The following PRKACB variants were observed in gnomAD, a reference collection of about 807,000 sequenced individuals.
PRKACB encodes the protein protein kinase cAMP-activated catalytic subunit beta, also known as cAMP-dependent protein kinase catalytic subunit beta.
A neutral mutation model predicts 51.4 loss-of-function variants in PRKACB; 16 were observed. That is an observed-to-expected ratio of 0.31 (90% CI 0.21 to 0.47). The LOEUF is 0.47. PRKACB is among the 20% of genes least tolerant of loss of function. The pLI is 1.00. For missense variants in PRKACB, 309 were observed against 464.5 expected (o/e 0.67, Z 3.08); for synonymous variants, 147 against 154.4 (o/e 0.95, Z 0.35).
At position 84,167,225 on chromosome 1, in the gene PRKACB, T is replaced by A. The variant is rs1393936406; in HGVS notation, c.188-11952T>A. ...TCCAGGCCATTTTCCACACTGAAAATTTTAAAATGCAAATATGCCCATTTT... is the reference window on the plus strand; with the variant it reads ...TCCAGGCCATTTTCCACACTGAAAAATTTAAAATGCAAATATGCCCATTTT... On this transcript the variant is annotated intron_variant, in intron 1 of 9. Transcript: ENST00000370685. Among the ~76,000 whole-genome samples the A allele has an allele frequency of 3.3e-5, 5 of 151,582 alleles. No homozygotes were observed. In the East Asian group the frequency reaches 7.8e-4, roughly 24 times the overall value.
At chr1:84,139,225 A>G (rs1189045644) in intron 1 of PRKACB, among the ~76,000 whole-genome samples, 2 of 152,216 alleles carry the variant, frequency 1.3e-5, no homozygotes, top group Admixed American at 6.5e-5. Context: ...AGGCATACAG[A>G]TTAGAAATAA....
At chr1:84,212,850 A>T (rs1469396034) in intron 8 of PRKACB, among the ~76,000 whole-genome samples, 1 of 152,178 alleles carries the variant, frequency 6.6e-6, no homozygotes, top group Non-Finnish European at 1.5e-5. Context: ...AAATAGTCTA[A>T]TAAATACTGA....
intron 5 of PRKACB, among the ~76,000 whole-genome samples, chr1:84,185,682 G>A (rs1664875694): frequency 6.6e-6 from 1 of 151,828 alleles, no homozygotes; most frequent in African/African-American, 2.4e-5. Context: ...TAATTTAACG[G>A]GAGTTTGTAC....
intron 1 of PRKACB, among the ~76,000 whole-genome samples, chr1:84,130,330 A>G (rs1346110005): frequency 6.6e-6 from 1 of 152,146 alleles, no homozygotes; most frequent in Non-Finnish European, 1.5e-5. Flanking sequence ...GAGACAAGAT[A>G]TACTCCTAAA....
intron 1 of PRKACB, among the ~76,000 whole-genome samples, chr1:84,168,518 C>T (rs1658281060): frequency 6.6e-6 from 1 of 151,494 alleles, no homozygotes; most frequent in East Asian, 1.9e-4. Context: ...CAGCACCATA[C>T]AGACTTGAAT....
At chr1:84,109,108 A>G (rs1650012226) in intron 1 of PRKACB, among the ~76,000 whole-genome samples, 1 of 151,938 alleles carries the variant, frequency 6.6e-6, no homozygotes, top group Non-Finnish European at 1.5e-5. Context: ...TTGCTGTATA[A>G]TGTTCCATTG....
chr1:84,238,405 TATGC>T lies in PRKACB; in HGVS notation c.*3102_*3105del, dbSNP rs1676844619. 6.6e-6 allele frequency: 1 copy of T among 152,636 alleles called. No individual in the cohort carries two copies. The highest frequency in any genetic ancestry group is 2.4e-5 in the African/African-American group (1 of 41,466). The allele number at this position is 152,636 out of a possible 1,614,324, so 9.5% of individuals were successfully genotyped here. On this transcript the variant is annotated 3_prime_UTR_variant, in exon 10 of 10. Transcript: ENST00000370685. ...CTTCTTTGTTTAGAATGGAATTTCC[TATGC>T]ACTACTGTAGCTAGGAAATGCTGAA...
intron 1 of PRKACB, among the ~76,000 whole-genome samples, chr1:84,158,210 G>A (rs185894570): frequency 9.4e-4 from 143 of 152,012 alleles, no homozygotes; most frequent in Middle Eastern, 3.4e-3. Context: ...GCTAATCTTT[G>A]TGTTTTTAGT....
rs1045246841 is a variant in PRKACB at position 84,150,311 on chromosome 1, C to T, written c.187+5763C>T. ...TTAAAATAAAATAAAATAAAGAAAACACATTTAACATTGTAAAATTTATTC... is the reference window on the plus strand; with the variant it reads ...TTAAAATAAAATAAAATAAAGAAAATACATTTAACATTGTAAAATTTATTC... On this transcript the variant is annotated intron_variant, in intron 1 of 9. Coordinates refer to ENST00000370685, the MANE Select transcript of PRKACB (RefSeq NM_182948.4). Among the ~76,000 whole-genome samples the T allele has an allele frequency of 2.0e-4, 30 of 152,144 alleles. 1 individual carries two copies. The highest frequency in any genetic ancestry group is 7.0e-4 in the African/African-American group (29 of 41,512).
chr1:84,122,937 A>G (rs1207272016), intron 1 of PRKACB, among the ~76,000 whole-genome samples: 1 of 152,190 alleles, frequency 6.6e-6, no homozygotes, highest in Non-Finnish European at 1.5e-5. Flanking sequence ...GGTAATGACA[A>G]TAAAAGATTT....
chr1:84,091,038 C>G (rs1648425478), intron 1 of PRKACB, among the ~76,000 whole-genome samples: 3 of 152,012 alleles, frequency 2.0e-5, no homozygotes. Flanking sequence ...CCTTCACTTT[C>G]AGTTTTCTCT....
intron 1 of PRKACB, among the ~76,000 whole-genome samples, chr1:84,130,189 CA>C (rs71097833): frequency 0.018 from 994 of 56,154 alleles, 2 homozygotes; most frequent in African/African-American, 0.066. Context: ...GACTCCGTCT[CA>C]AAAAAAAAAA....
intron 1 of PRKACB, among the ~76,000 whole-genome samples, chr1:84,147,741 A>G: frequency 6.6e-6 from 1 of 152,090 alleles, no homozygotes; most frequent in East Asian, 1.9e-4. Flanking sequence ...TTTGAGACCT[A>G]GAGAAGAAGG....
chr1:84,180,419 G>A (rs1313689478), intron 2 of PRKACB, among the ~76,000 whole-genome samples: 1 of 151,002 alleles, frequency 6.6e-6, no homozygotes, highest in Non-Finnish European at 1.5e-5. Context: ...CACTTGGTGG[G>A]GGAGAATGGG....
chr1:84,164,629 G>T, intron 1 of PRKACB: 1 of 1,382,128 alleles, frequency 7.2e-7, no homozygotes, highest in Non-Finnish European at 9.4e-7. Context: ...ATGTTGCCGT[G>T]GTAACAACTC....
intron 9 of PRKACB, among the ~76,000 whole-genome samples, chr1:84,232,916 T>C (rs986922265): frequency 2.1e-4 from 32 of 152,138 alleles, no homozygotes; most frequent in African/African-American, 7.5e-4. Context: ...CATTTACATT[T>C]AAAGTTAATA....
chr1:84,144,154 C>A, upstream of PRKACB: 1 of 996,310 alleles, frequency 1.0e-6, no homozygotes, highest in South Asian at 2.4e-5. Context: ...TTTTTAAAAT[C>A]CTCAACTCTA....
At chr1:84,118,949 A>G (rs371166983) in intron 1 of PRKACB, among the ~76,000 whole-genome samples, 1 of 152,178 alleles carries the variant, frequency 6.6e-6, no homozygotes, top group Non-Finnish European at 1.5e-5. Context: ...CAGTTGCAAG[A>G]AGCAGAGACC....
At chr1:84,216,238 C>A (rs1672860904) in intron 9 of PRKACB, among the ~76,000 whole-genome samples, 1 of 152,054 alleles carries the variant, frequency 6.6e-6, no homozygotes, top group Non-Finnish European at 1.5e-5. Context: ...ACTTGGGAGA[C>A]TGAGGCAGGA....
Sources: gnomAD v4.1 joint callset for allele counts (sites outside exome capture counted in the v4.1 genomes callset) on GRCh38, gnomAD v4.1.1 for gene constraint, MANE v1.5 for transcripts, NCBI Gene and HGNC (gene_info 2026-07-23, HGNC 2026-07-21) for gene names.